The following SNX29 variants were observed in gnomAD, a reference collection of about 807,000 sequenced individuals.
SNX29 encodes sorting nexin-29.
A neutral mutation model predicts 102.1 loss-of-function variants in SNX29; 78 were observed. The observed-to-expected ratio is 0.76, with a 90% CI of 0.64 to 0.92. The LOEUF is 0.92. Among genes scored for constraint, SNX29 ranks in the 40% least tolerant of loss-of-function variants. SNX29 has a pLI of 0.00. For missense variants in SNX29, 1,280 were observed against 1,061.7 expected (o/e 1.21, Z -2.86); for synonymous variants, 580 against 414.5 (o/e 1.40, Z -4.85).
intron 14 of SNX29, among the ~76,000 whole-genome samples, chr16:12,226,367 T>C (rs1441562156): frequency 6.6e-6 from 1 of 152,146 alleles, no homozygotes; most frequent in African/African-American, 2.4e-5. Context: ...ATGTGCACTA[T>C]TAAGGTAAAC....
chr16:12,269,954 A>C (rs1157939846), intron 14 of SNX29, among the ~76,000 whole-genome samples: 1 of 151,960 alleles, frequency 6.6e-6, no homozygotes, highest in South Asian at 2.1e-4. Flanking sequence ...TCCATCTCCC[A>C]GGTTCAAGCG....
At chr16:12,361,599 T>C (rs1250195901) in intron 16 of SNX29, among the ~76,000 whole-genome samples, 1 of 152,182 alleles carries the variant, frequency 6.6e-6, no homozygotes, top group African/African-American at 2.4e-5. Context: ...GACTCAGAAA[T>C]GATGCAACTC....
intron 1 of SNX29, among the ~76,000 whole-genome samples, chr16:11,978,553 C>T (rs2055351660): frequency 6.6e-6 from 1 of 152,176 alleles, no homozygotes; most frequent in African/African-American, 2.4e-5. Flanking sequence ...GCTGTTGTTT[C>T]TGCAAGAGCT....
At chr16:12,338,735 G>A (rs1243209512) in intron 15 of SNX29, among the ~76,000 whole-genome samples, 1 of 152,166 alleles carries the variant, frequency 6.6e-6, no homozygotes, top group Non-Finnish European at 1.5e-5. Context: ...GGTGGCAGGG[G>A]CCTGGGAGAT....
At chr16:12,235,838 G>A (rs923350559) in intron 14 of SNX29, among the ~76,000 whole-genome samples, 1 of 151,926 alleles carries the variant, frequency 6.6e-6, no homozygotes, top group Non-Finnish European at 1.5e-5. Flanking sequence ...TGCTTGGAGT[G>A]TAGATTCTGA....
In SNX29 at chr16:12,570,071, G is replaced by C; in HGVS notation, c.*1442G>C. 6 of 689,068 alleles carry C rather than the reference G, an allele frequency of 8.7e-6. No homozygotes were observed. The highest frequency in any genetic ancestry group is 1.1e-5 in the Non-Finnish European group (6 of 535,982). The allele number at this position is 689,068 out of a possible 1,614,324, so 42.7% of individuals were successfully genotyped here. On this transcript the variant is annotated 3_prime_UTR_variant, in exon 21 of 21. Coordinates refer to ENST00000566228, the MANE Select transcript of SNX29 (RefSeq NM_032167.5). The stretch of plus-strand genomic sequence containing the variant: ...CGAGGACATCTCTGGAGAATCATCT[G>C]GAAGGTTTATACTGTGCCTTCCCCT...
intron 18 of SNX29, among the ~76,000 whole-genome samples, chr16:12,441,085 A>G (rs1044454685): frequency 2.2e-4 from 28 of 125,260 alleles, no homozygotes; most frequent in Admixed American, 9.0e-4. Flanking sequence ...TCGCTACTTC[A>G]TTCCTTTTTT....
chr16:12,118,843 C>T (rs1301019131), intron 11 of SNX29, among the ~76,000 whole-genome samples: 1 of 152,144 alleles, frequency 6.6e-6, no homozygotes, highest in Non-Finnish European at 1.5e-5. Flanking sequence ...GGGAGTTCCT[C>T]TGGGGTGTCC....
chr16:12,214,604 C>T (rs528090328), intron 14 of SNX29, among the ~76,000 whole-genome samples: 185 of 151,938 alleles, frequency 1.2e-3, no homozygotes, highest in Non-Finnish European at 2.0e-3. Flanking sequence ...ATGGAAGAAT[C>T]GATACCCTGC....
intron 18 of SNX29, among the ~76,000 whole-genome samples, chr16:12,466,563 G>A (rs985978265): frequency 7.2e-5 from 11 of 152,204 alleles, no homozygotes; most frequent in Admixed American, 3.3e-4. Flanking sequence ...CCTGTCTTCA[G>A]AGCGTCTTTG....
intron 13 of SNX29, among the ~76,000 whole-genome samples, chr16:12,195,260 C>A (rs1263124038): frequency 6.6e-6 from 1 of 152,224 alleles, no homozygotes; most frequent in Non-Finnish European, 1.5e-5. Flanking sequence ...TAGGAGGATG[C>A]ACCATAACTT....
At chr16:12,322,594 A>G (rs902238922) in intron 15 of SNX29, among the ~76,000 whole-genome samples, 2 of 152,188 alleles carry the variant, frequency 1.3e-5, no homozygotes, top group African/African-American at 4.8e-5. Flanking sequence ...GTGGAGTTCT[A>G]ATACTCCTTT....
chr16:12,247,199 C>G lies in SNX29; in HGVS notation c.1679-30734C>G, dbSNP rs1322905134. On this transcript the variant is annotated intron_variant, in intron 14 of 20. Coordinates refer to ENST00000566228, the MANE Select transcript of SNX29 (RefSeq NM_032167.5). ...GGCCGGTATGGGGTGACCATTTGGC[C>G]GTTATAGCAGTCATCTTAGCAAGGG... Among the ~76,000 whole-genome samples the G allele has an allele frequency of 3.3e-5, 5 of 152,162 alleles. No individual in the cohort carries two copies. In the South Asian group the frequency reaches 1.0e-3, roughly 32 times the overall value.
At chr16:12,276,483 T>G (rs555494308) in intron 14 of SNX29, among the ~76,000 whole-genome samples, 1 of 152,294 alleles carries the variant, frequency 6.6e-6, no homozygotes, top group African/African-American at 2.4e-5. Context: ...TTGCTCAGCC[T>G]TCCTGACTTT....
intron 3 of SNX29, among the ~76,000 whole-genome samples, chr16:12,025,386 C>A (rs79788851): frequency 0.011 from 1,691 of 151,222 alleles, 31 homozygotes; most frequent in African/African-American, 0.038. Context: ...GATATCTGCC[C>A]AGCAAAGAGG....
chr16:12,458,490 G>A (rs1223344857), intron 18 of SNX29, among the ~76,000 whole-genome samples: 2 of 152,108 alleles, frequency 1.3e-5, no homozygotes, highest in Non-Finnish European at 2.9e-5. Context: ...AAGATCAGTA[G>A]TTATTTGAGG....
At chr16:12,449,272 G>A (rs1314072107) in intron 18 of SNX29, among the ~76,000 whole-genome samples, 1 of 151,954 alleles carries the variant, frequency 6.6e-6, no homozygotes, top group Admixed American at 6.6e-5. Context: ...GTTGCAGGGT[G>A]AAGATGCTGG....
intron 18 of SNX29, among the ~76,000 whole-genome samples, chr16:12,471,609 C>T (rs780606260): frequency 3.3e-5 from 5 of 152,230 alleles, no homozygotes; most frequent in Non-Finnish European, 5.9e-5. Flanking sequence ...CTACCTCCTG[C>T]CCCATCTACG....
intron 11 of SNX29, among the ~76,000 whole-genome samples, chr16:12,088,908 C>G (rs888060137): frequency 4.6e-5 from 7 of 152,168 alleles, no homozygotes; most frequent in African/African-American, 1.7e-4. Context: ...GCCAACACAG[C>G]GAAACCCCAT....
Sources: gnomAD v4.1 joint callset for allele counts (sites outside exome capture counted in the v4.1 genomes callset) on GRCh38, gnomAD v4.1.1 for gene constraint, MANE v1.5 for transcripts, NCBI Gene and HGNC (gene_info 2026-07-23, HGNC 2026-07-21) for gene names.